Variants in FMN2 observed in about 807,000 individuals in gnomAD.
FMN2 encodes formin 2, also known as formin-2.
Under a neutral mutation model 142.3 loss-of-function variants are expected in FMN2, and 51 were observed. The ratio of observed to expected loss-of-function variants is 0.36; its 90% CI spans 0.29 to 0.45. The LOEUF (loss-of-function observed/expected upper bound fraction) is 0.45. FMN2 is among the 20% of genes least tolerant of loss of function. The pLI is 1.00. For synonymous variants in FMN2, 882 were observed against 869.8 expected, an observed-to-expected ratio of 1.01 and a Z score of -0.25; for missense variants, 1,936 against 2,122.8, an observed-to-expected ratio of 0.91 and a Z score of 1.73.
At chr1:240,192,827 AG>A in intron 4 of FMN2, among the ~76,000 whole-genome samples, 1 of 120,136 alleles carries the variant, frequency 8.3e-6, no homozygotes, top group Non-Finnish European at 1.7e-5. Flanking sequence ...TACTATGTTA[AG>A]AGAAAGAAAG....
chr1:240,149,907 T>G (rs536553982), intron 2 of FMN2, among the ~76,000 whole-genome samples: 5 of 151,288 alleles, frequency 3.3e-5, no homozygotes, highest in Non-Finnish European at 5.9e-5. Context: ...AGCATTTGTG[T>G]TTTTTTTCCC....
chr1:240,167,870 A>T (rs752933985), intron 2 of FMN2, among the ~76,000 whole-genome samples: 2 of 152,026 alleles, frequency 1.3e-5, no homozygotes, highest in African/African-American at 2.4e-5. Context: ...TGAGGTCAGG[A>T]GTTCGAGACC....
chr1:240,246,945 T>A (rs115109573), intron 6 of FMN2, among the ~76,000 whole-genome samples: 1,747 of 152,312 alleles, frequency 0.011, 40 homozygotes, highest in African/African-American at 0.04. Context: ...TCCTCTTCAT[T>A]GTATTGTGGT....
intron 14 of FMN2, among the ~76,000 whole-genome samples, chr1:240,378,271 C>T (rs951015920): frequency 1.5e-4 from 23 of 152,234 alleles, no homozygotes; most frequent in South Asian, 6.2e-4. Flanking sequence ...CTGCCTCAGC[C>T]TCCCAAGTAG....
intron 2 of FMN2, among the ~76,000 whole-genome samples, chr1:240,139,174 G>T (rs555101791): frequency 3.3e-5 from 5 of 152,150 alleles, no homozygotes; most frequent in African/African-American, 4.8e-5. Flanking sequence ...TTGGGGATTT[G>T]GTTGCTCATG....
chr1:240,465,807 T>C (rs1676601892), intron 16 of FMN2, among the ~76,000 whole-genome samples: 1 of 152,240 alleles, frequency 6.6e-6, no homozygotes, highest in African/African-American at 2.4e-5. Flanking sequence ...TGGCTTTCGG[T>C]CTGAAAGGTG....
At position 240,396,294 on chromosome 1, in the gene FMN2, C is replaced by T. The variant is rs560841025; in HGVS notation, c.4910+3732C>T. On this transcript the variant is annotated intron_variant, in intron 15 of 17. Transcript: ENST00000319653. Reference sequence around the variant, plus strand: ...TCTGGAACCAAACCCACAATATCTCCGAGGTTTTCGTGTGTGTGTGTGTGT... The same window carrying T: ...TCTGGAACCAAACCCACAATATCTCTGAGGTTTTCGTGTGTGTGTGTGTGT... Among the ~76,000 whole-genome samples, 5 of 142,990 alleles carry T rather than the reference C, an allele frequency of 3.5e-5. No homozygotes were observed. The South Asian group carries it at 9.1e-4, about 26-fold the overall frequency. The allele number at this position is 142,990 out of a possible 152,430, so 93.8% of individuals were successfully genotyped here. A position where few individuals can be genotyped will look rare whatever the true frequency, so the allele number is the denominator to read the frequency against.
Position 240,285,506 on chromosome 1 carries a change from C to T in FMN2, c.4154-9316C>T, listed in dbSNP as rs143324375. Among the ~76,000 whole-genome samples the T allele has an allele frequency of 3.8e-3, 576 of 151,796 alleles. 2 individuals carry two copies. The highest frequency in any genetic ancestry group is 0.017 in the Middle Eastern group (5 of 292). On this transcript the variant is annotated intron_variant, in intron 7 of 17. Transcript: ENST00000319653. Reference sequence around the variant, plus strand: ...GTGAGACTGGGCGAGACCACCAAGGCGGTGAGTGTAGATAGAGGTAAGAAA... The same window carrying T: ...GTGAGACTGGGCGAGACCACCAAGGTGGTGAGTGTAGATAGAGGTAAGAAA...
At chr1:240,274,646 AGAAGG>A (rs1669131480) in intron 7 of FMN2, among the ~76,000 whole-genome samples, 1 of 151,944 alleles carries the variant, frequency 6.6e-6, no homozygotes, top group African/African-American at 2.4e-5. Context: ...AATATCAAGA[AGAAGG>A]GAGGTAGGCA....
intron 13 of FMN2, among the ~76,000 whole-genome samples, chr1:240,340,742 A>C (rs921331641): frequency 6.6e-6 from 1 of 152,138 alleles, no homozygotes; most frequent in Non-Finnish European, 1.5e-5. Context: ...AAGCTGTCTT[A>C]TCTCTGATGA....
Position 240,110,812 on chromosome 1 carries a change from CT to C in FMN2, c.1616-12359del, listed in dbSNP as rs572874545. On this transcript the variant is annotated intron_variant, in intron 1 of 17. Transcript: ENST00000319653. ...ATATAGTAAAACAAATATGCAAGCC[CT>C]TTTTTTTAAAAAAAATTGAGGCTAG... Among the ~76,000 whole-genome samples, 1,059 of 152,034 alleles carry C rather than the reference CT, an allele frequency of 7.0e-3. 11 individuals are homozygous for C. Among genetic ancestry groups the C allele is most frequent in the African/African-American group, 0.024 (975 of 41,482 alleles).
chr1:240,183,756 G>C (rs1288366004), intron 3 of FMN2, among the ~76,000 whole-genome samples: 1 of 151,932 alleles, frequency 6.6e-6, no homozygotes, highest in Admixed American at 6.6e-5. Flanking sequence ...ATCTTCATTT[G>C]TGGAAAGACA....
intron 14 of FMN2, among the ~76,000 whole-genome samples, chr1:240,382,874 A>G (rs961459931): frequency 2.0e-5 from 3 of 152,198 alleles, no homozygotes; most frequent in Admixed American, 1.3e-4. Flanking sequence ...CCACAAGACT[A>G]TAGTAACCCA....
Position 240,390,153 on chromosome 1 carries a change from A to G in FMN2, c.4859-2358A>G, listed in dbSNP as rs115656291. On this transcript the variant is annotated intron_variant, in intron 14 of 17. Coordinates refer to ENST00000319653, the MANE Select transcript of FMN2 (RefSeq NM_020066.5). Reference sequence around the variant, plus strand: ...CATCAGGAATTGAAATGTGTACTCTAATGTTCTTGCTTTGATCTCTCATTT... The same window carrying G: ...CATCAGGAATTGAAATGTGTACTCTGATGTTCTTGCTTTGATCTCTCATTT... 6.1e-3 allele frequency among the ~76,000 whole-genome samples: 925 copies of G among 152,308 alleles called. 11 individuals carry two copies. The highest frequency in any genetic ancestry group is 0.021 in the African/African-American group (886 of 41,560).
At chr1:240,298,525 A>G (rs1446338402) in intron 8 of FMN2, among the ~76,000 whole-genome samples, 1 of 152,164 alleles carries the variant, frequency 6.6e-6, no homozygotes, top group Non-Finnish European at 1.5e-5. Context: ...CCTGTTAGGA[A>G]CTGGGCCACA....
chr1:240,467,320 G>A (rs1046469177), intron 16 of FMN2, among the ~76,000 whole-genome samples: 1 of 149,686 alleles, frequency 6.7e-6, no homozygotes, highest in Non-Finnish European at 1.5e-5. Context: ...TATTGCCCAG[G>A]CTGGAGTGCA....
intron 2 of FMN2, among the ~76,000 whole-genome samples, chr1:240,168,205 T>C (rs1331178280): frequency 6.6e-6 from 1 of 152,204 alleles, no homozygotes; most frequent in East Asian, 1.9e-4. Context: ...AACCCAGATA[T>C]TGTGAGTTCA....
At chr1:240,246,997 C>T (rs1049195471) in intron 6 of FMN2, among the ~76,000 whole-genome samples, 1 of 152,210 alleles carries the variant, frequency 6.6e-6, no homozygotes, top group African/African-American at 2.4e-5. Context: ...TTCTTCTTCT[C>T]CAAGGTGTTG....
chr1:240,150,790 A>G (rs1663731954), intron 2 of FMN2, among the ~76,000 whole-genome samples: 2 of 152,176 alleles, frequency 1.3e-5, no homozygotes, highest in Admixed American at 1.3e-4. Flanking sequence ...TAATTAGTAG[A>G]GAAGCATTGA....
Sources: gnomAD v4.1 joint callset for allele counts (sites outside exome capture counted in the v4.1 genomes callset) on GRCh38, gnomAD v4.1.1 for gene constraint, MANE v1.5 for transcripts, NCBI Gene and HGNC (gene_info 2026-07-23, HGNC 2026-07-21) for gene names.